ARAP2: variants seen among roughly 807,000 people sequenced by gnomAD.
ARAP2 encodes the protein arf-GAP with Rho-GAP domain, ANK repeat and PH domain-containing protein 2.
In ARAP2, 148 loss-of-function variants were observed where a neutral mutation model predicts 194.5. The ratio of observed to expected loss-of-function variants is 0.76; its 90% CI spans 0.67 to 0.87. The LOEUF is 0.87. ARAP2 is among the 40% of genes least tolerant of loss of function. The pLI, the probability that ARAP2 is intolerant of heterozygous loss-of-function variation, is 0.00. For synonymous variants in ARAP2, 695 were observed against 683.5 expected (o/e 1.02, Z -0.26); for missense variants, 2,128 against 1,989.7 (o/e 1.07, Z -1.32).
chr4:36,180,842 G>A (rs1382547127), intron 8 of ARAP2, among the ~76,000 whole-genome samples: 3 of 152,202 alleles, frequency 2.0e-5, no homozygotes, highest in Admixed American at 6.5e-5. Context: ...AAACAGTCAC[G>A]AAGAAGAACA....
At chr4:36,012,987 T>A (rs1173299780) in intron 8 of ARAP2, among the ~76,000 whole-genome samples, 1 of 152,202 alleles carries the variant, frequency 6.6e-6, no homozygotes, top group Non-Finnish European at 1.5e-5. Flanking sequence ...GTTTTGTAAA[T>A]ATAATGCCTT....
intron 5 of ARAP2, among the ~76,000 whole-genome samples, chr4:36,037,050 T>C (rs1720046894): frequency 6.6e-6 from 1 of 152,178 alleles, no homozygotes; most frequent in Admixed American, 6.6e-5. Context: ...CCCTAATTCT[T>C]CATACAGCAT....
At chr4:36,030,903 G>T (rs531499212) in intron 5 of ARAP2, among the ~76,000 whole-genome samples, 1 of 151,334 alleles carries the variant, frequency 6.6e-6, no homozygotes, top group South Asian at 2.1e-4. Flanking sequence ...AGGCCTAGTC[G>T]GGTGGATCAC....
At chr4:36,024,807 T>C (rs1240688339) in intron 5 of ARAP2, among the ~76,000 whole-genome samples, 2 of 152,134 alleles carry the variant, frequency 1.3e-5, no homozygotes, top group Non-Finnish European at 2.9e-5. Flanking sequence ...ATTATATTTT[T>C]ACAAAACTTT....
At chr4:36,008,689 T>C (rs914348795) in intron 9 of ARAP2, among the ~76,000 whole-genome samples, 5 of 151,822 alleles carry the variant, frequency 3.3e-5, no homozygotes, top group African/African-American at 9.7e-5. Context: ...AAAACAAAAA[T>C]TGGCTAATGA....
intron 5 of ARAP2, among the ~76,000 whole-genome samples, chr4:36,043,565 TAC>T (rs1285705647): frequency 6.6e-6 from 1 of 152,010 alleles, no homozygotes; most frequent in African/African-American, 2.4e-5. Flanking sequence ...GCTAAAGGCA[TAC>T]AGTTTGAAGA....
chr4:36,119,568 A>G, intron 24 of ARAP2, 82 bp downstream of exon 24: 1 of 976,152 alleles, frequency 1.0e-6, no homozygotes, highest in Middle Eastern at 2.2e-4. Flanking sequence ...GGAACTTGAA[A>G]ATACACACAG....
chr4:36,109,442 G>A (rs1719260705), intron 26 of ARAP2, among the ~76,000 whole-genome samples: 1 of 151,448 alleles, frequency 6.6e-6, no homozygotes. Context: ...TTCTTTGATG[G>A]CCCATAAATC....
intron 2 of ARAP2, among the ~76,000 whole-genome samples, chr4:36,217,023 C>A (rs940071280): frequency 6.6e-6 from 1 of 152,126 alleles, no homozygotes; most frequent in Non-Finnish European, 1.5e-5. Flanking sequence ...CTATCTTATT[C>A]TATATGAGCA....
At chr4:36,231,466 A>G (rs1172324504) in intron 1 of ARAP2, among the ~76,000 whole-genome samples, 2 of 152,180 alleles carry the variant, frequency 1.3e-5, no homozygotes, top group Admixed American at 6.5e-5. Context: ...TGTATTGTCT[A>G]TTTTTACTAG....
chr4:36,163,657 A>C (rs955937283), intron 11 of ARAP2, among the ~76,000 whole-genome samples: 1 of 152,196 alleles, frequency 6.6e-6, no homozygotes, highest in Non-Finnish European at 1.5e-5. Flanking sequence ...AATGAGACAA[A>C]CTTGTGCAAG....
In ARAP2 at chr4:36,160,469, T is replaced by A; in HGVS notation, c.2432A>T (p.Glu811Val). Residue 811 changes from glutamate to valine, a missense_variant, in exon 13 of 33, where the codon GAA (glutamate) becomes GTA (valine). Physicochemically the swap from Glu to Val is moderately radical, Grantham distance 121 (BLOSUM62 -2). Coordinates refer to ENST00000303965, the MANE Select transcript of ARAP2 (RefSeq NM_015230.4). ...KTLLASLTKE[E>V]LNKALCAAVV... ...TGTTTAATTGAATACCTTATTTAAT[T>A]CTTCTTTGGTGAGAGATGCCAAAAG... 6.4e-7 allele frequency: 1 copy of A among 1,551,652 alleles called. No individual in the cohort carries two copies.
chr4:36,158,153 T>G (rs1204274017), intron 15 of ARAP2, among the ~76,000 whole-genome samples: 1 of 152,042 alleles, frequency 6.6e-6, no homozygotes, highest in African/African-American at 2.4e-5. Flanking sequence ...ACACAAGGAG[T>G]TGGAAGGATA....
chr4:36,174,060 C>T (rs1214204368), intron 9 of ARAP2, among the ~76,000 whole-genome samples: 1 of 152,138 alleles, frequency 6.6e-6, no homozygotes, highest in East Asian at 1.9e-4. Flanking sequence ...TTCAGGAAGG[C>T]CCCAGAAAGC....
chr4:36,202,440 A>C (rs987887455), intron 6 of ARAP2, among the ~76,000 whole-genome samples: 1 of 152,122 alleles, frequency 6.6e-6, no homozygotes, highest in Non-Finnish European at 1.5e-5. Flanking sequence ...AAAACAAAAA[A>C]AGTATCTTCA....
chr4:36,023,316 T>G (rs1340992075), intron 5 of ARAP2, among the ~76,000 whole-genome samples: 1 of 152,124 alleles, frequency 6.6e-6, no homozygotes, highest in African/African-American at 2.4e-5. Flanking sequence ...GCAGAAGTAA[T>G]TACAGACATT....
rs370507597 is a variant in ARAP2 at position 36,155,910 on chromosome 4, G to A, written c.2752+2820C>T. On this transcript the variant is annotated intron_variant, in intron 15 of 32. Transcript: ENST00000303965. ...GTTGCTGTTTACTTTTAGAAGACAC[G>A]GTCTTCCTATGTAGCCCAAGCTGTG... 1.1e-4 allele frequency among the ~76,000 whole-genome samples: 16 copies of A among 152,096 alleles called. No homozygotes were observed. In the East Asian group the frequency reaches 2.1e-3, roughly 20 times the overall value.
intron 32 of ARAP2, 140 bp from the exon 33 acceptor site, chr4:36,068,418 A>G: frequency 1.1e-6 from 1 of 885,310 alleles, no homozygotes; most frequent in Non-Finnish European, 1.6e-6. Context: ...ACTTCGATAC[A>G]AGTGGCATGT....
chr4:36,102,750 A>G (rs1268854289), intron 27 of ARAP2, among the ~76,000 whole-genome samples: 1 of 151,952 alleles, frequency 6.6e-6, no homozygotes, highest in Admixed American at 6.6e-5. Flanking sequence ...CTTTCTGGGT[A>G]TAGACAATGT....
Sources: gnomAD v4.1 joint callset for allele counts (sites outside exome capture counted in the v4.1 genomes callset) on GRCh38, gnomAD v4.1.1 for gene constraint, MANE v1.5 for transcripts, NCBI Gene and HGNC (gene_info 2026-07-23, HGNC 2026-07-21) for gene names.